The following MID1 variants were observed in gnomAD, a reference collection of about 807,000 sequenced individuals.
MID1 encodes the protein E3 ubiquitin-protein ligase Midline-1.
In MID1, 7 loss-of-function variants were observed where a neutral mutation model predicts 40.4. The observed-to-expected ratio is 0.17, with a 90% CI of 0.10 to 0.33. The LOEUF is 0.33. Among genes scored for constraint, MID1 ranks in the 10% least tolerant of loss-of-function variants. The probability of loss-of-function intolerance (pLI) is 1.00; values close to 1 mark genes in which losing one functional copy is unlikely to be tolerated. For synonymous variants in MID1, 229 were observed against 221.2 expected, an observed-to-expected ratio of 1.04 and a Z score of -0.31; for missense variants, 367 against 558.5, an observed-to-expected ratio of 0.66 and a Z score of 3.46.
intron 1 of MID1, among the ~76,000 whole-genome samples, chrX:10,786,969 A>T (rs2043890051): frequency 9.1e-6 from 1 of 110,246 alleles, no homozygotes; most frequent in Non-Finnish European, 1.9e-5. Flanking sequence ...TAAAACTTAA[A>T]GTAAAAAAAA....
chrX:10,821,885 C>A (rs979104074), intron 1 of MID1, among the ~76,000 whole-genome samples: 1 of 111,218 alleles, frequency 9.0e-6, no homozygotes, highest in African/African-American at 3.3e-5. Context: ...CTTAGTCCTG[C>A]ACCTGTTTGT....
intron 1 of MID1, among the ~76,000 whole-genome samples, chrX:10,672,851 A>G (rs1026153652): frequency 9.1e-6 from 1 of 109,788 alleles, no homozygotes; most frequent in African/African-American, 3.3e-5. Context: ...CACCCAGTTA[A>G]CTTTTTATTT....
At chrX:10,820,121 A>G (rs2044164856) in intron 1 of MID1, among the ~76,000 whole-genome samples, 1 of 112,368 alleles carries the variant, frequency 8.9e-6, no homozygotes, top group Non-Finnish European at 1.9e-5. Context: ...AATGCAGTCC[A>G]TTGACATTAA....
At chrX:10,452,006 G>A (rs908684522) in intron 9 of MID1, among the ~76,000 whole-genome samples, 2 of 111,562 alleles carry the variant, frequency 1.8e-5, no homozygotes, top group Admixed American at 9.5e-5. Context: ...TACTATTTCC[G>A]CTTTTCAGAC....
At chrX:10,814,459 C>T (rs1183972591) in intron 1 of MID1, among the ~76,000 whole-genome samples, 1 of 111,031 alleles carries the variant, frequency 9.0e-6, no homozygotes, top group Non-Finnish European at 1.9e-5. Flanking sequence ...TTCATACACA[C>T]TTGTGAGAAA....
chrX:10,474,930 TA>T (rs761854007), intron 5 of MID1, 180 bp from the exon 6 acceptor site: 9 of 496,648 alleles, frequency 1.8e-5, no homozygotes, highest in East Asian at 3.9e-5. Context: ...ATGCAAGCTT[TA>T]AAAAAAAGTG....
intron 1 of MID1, among the ~76,000 whole-genome samples, chrX:10,791,698 A>C (rs7883063): frequency 0.1 from 11,548 of 110,634 alleles, 1,494 homozygotes; most frequent in African/African-American, 0.36. Flanking sequence ...TGGAACCCAG[A>C]AATTTCTGAG....
intron 1 of MID1, among the ~76,000 whole-genome samples, chrX:10,609,071 A>G (rs1029755566): frequency 9.0e-6 from 1 of 111,638 alleles, no homozygotes; most frequent in Non-Finnish European, 1.9e-5. Context: ...TATTAGGATA[A>G]TTTGTCCGAA....
At chrX:10,742,935 T>A (rs1309773548) in intron 1 of MID1, among the ~76,000 whole-genome samples, 1 of 112,745 alleles carries the variant, frequency 8.9e-6, no homozygotes, top group African/African-American at 3.2e-5. Flanking sequence ...AGGGGAACGG[T>A]TGCACAACAG....
chrX:10,545,765 A>C (rs141564767), intron 2 of MID1, among the ~76,000 whole-genome samples: 3 of 111,735 alleles, frequency 2.7e-5, no homozygotes, highest in African/African-American at 9.7e-5. Flanking sequence ...GAGGAGGAGG[A>C]GGCGGAAACA....
chrX:10,625,235 G>T (rs1481006170), upstream of MID1, among the ~76,000 whole-genome samples: 1 of 111,308 alleles, frequency 9.0e-6, no homozygotes, highest in African/African-American at 3.3e-5. Flanking sequence ...GGGAAACCTC[G>T]ATTTTGCTGT....
At chrX:10,505,041 T>A (rs1295993519) in intron 3 of MID1, among the ~76,000 whole-genome samples, 1 of 112,307 alleles carries the variant, frequency 8.9e-6, no homozygotes, top group East Asian at 2.8e-4. Context: ...TCTGTGAGAA[T>A]GTTTCCTCAT....
intron 2 of MID1, among the ~76,000 whole-genome samples, chrX:10,544,413 A>C (rs185684464): frequency 3.6e-3 from 407 of 112,164 alleles, no homozygotes; most frequent in Non-Finnish European, 6.6e-3. Context: ...GTAAACACTA[A>C]ATGCACAATG....
At chrX:10,547,512 C>T (rs1218219324) in intron 2 of MID1, among the ~76,000 whole-genome samples, 1 of 85,773 alleles carries the variant, frequency 1.2e-5, no homozygotes, top group Non-Finnish European at 2.1e-5. Flanking sequence ...GCAGAGGTTG[C>T]GGTGAGCCGA....
chrX:10,550,935 T>C (rs1220474619), intron 2 of MID1, among the ~76,000 whole-genome samples: 7 of 111,536 alleles, frequency 6.3e-5, no homozygotes, highest in South Asian at 3.8e-4. Flanking sequence ...TCTGAGGCAA[T>C]AGGGAAGAAA....
At chrX:10,739,522 A>G (rs1430885420) in intron 1 of MID1, among the ~76,000 whole-genome samples, 3 of 111,948 alleles carry the variant, frequency 2.7e-5, no homozygotes, top group South Asian at 7.5e-4. Context: ...TAGCACAAGA[A>G]ATTTGGGAAT....
chrX:10,713,109 A>G (rs1168843120), intron 1 of MID1, among the ~76,000 whole-genome samples: 1 of 111,656 alleles, frequency 9.0e-6, no homozygotes, highest in Non-Finnish European at 1.9e-5. Flanking sequence ...TGCTGGGATT[A>G]CAGTTGTGAG....
intron 3 of MID1, among the ~76,000 whole-genome samples, chrX:10,511,867 C>T (rs1352152936): frequency 8.9e-6 from 1 of 112,411 alleles, no homozygotes; most frequent in African/African-American, 3.2e-5. Context: ...TACACATAAG[C>T]TTGAAGGTAA....
intron 2 of MID1, among the ~76,000 whole-genome samples, chrX:10,549,270 C>G (rs1337699956): frequency 8.9e-6 from 1 of 112,817 alleles, no homozygotes; most frequent in African/African-American, 3.2e-5. Flanking sequence ...TATTTAACCT[C>G]TACAGAAGTT....
Sources: gnomAD v4.1 joint callset for allele counts (sites outside exome capture counted in the v4.1 genomes callset) on GRCh38, gnomAD v4.1.1 for gene constraint, MANE v1.5 for transcripts, NCBI Gene and HGNC (gene_info 2026-07-23, HGNC 2026-07-21) for gene names.